Variants in PALS1 observed in about 807,000 individuals in gnomAD.
PALS1 encodes the protein protein associated with LIN7 1, MAGUK p55 family member, also known as protein PALS1.
In PALS1, 31 loss-of-function variants were observed where a neutral mutation model predicts 78.9. The ratio of observed to expected loss-of-function variants is 0.39; its 90% CI spans 0.30 to 0.53. The LOEUF (loss-of-function observed/expected upper bound fraction) is 0.53. Ranked by LOEUF, PALS1 falls within the 20% of genes least tolerant of loss-of-function variation. PALS1 has a pLI of 0.67. For synonymous variants in PALS1, 276 were observed against 270.9 expected, an observed-to-expected ratio of 1.02 and a Z score of -0.18; for missense variants, 704 against 826.5, an observed-to-expected ratio of 0.85 and a Z score of 1.82.
chr14:67,265,273 A>G (rs1484484182), intron 1 of PALS1, among the ~76,000 whole-genome samples: 2 of 152,212 alleles, frequency 1.3e-5, no homozygotes, highest in African/African-American at 4.8e-5. Context: ...CAGTAAACCC[A>G]GAGCCTGGGC....
chr14:67,278,005 A>G (rs1315207560), intron 2 of PALS1, among the ~76,000 whole-genome samples: 2 of 150,606 alleles, frequency 1.3e-5, no homozygotes, highest in Non-Finnish European at 3.0e-5. Context: ...CTCTAAATGA[A>G]TCCTTGTAAT....
chr14:67,296,959 A>G (rs1394622545), intron 4 of PALS1, among the ~76,000 whole-genome samples: 1 of 152,172 alleles, frequency 6.6e-6, no homozygotes, highest in African/African-American at 2.4e-5. Flanking sequence ...CTGGCCTCCT[A>G]TGATGATTTT....
chr14:67,320,434 C>A, intron 12 of PALS1, 37 bp downstream of exon 12: 1 of 1,534,472 alleles, frequency 6.5e-7, no homozygotes, highest in Admixed American at 2.0e-5. Context: ...CTGTGCTTTT[C>A]AATTTACCAG....
chr14:67,275,569 G>T (rs2084490037), intron 2 of PALS1, among the ~76,000 whole-genome samples: 1 of 152,150 alleles, frequency 6.6e-6, no homozygotes, highest in African/African-American at 2.4e-5. Flanking sequence ...AGGGCTTTTG[G>T]TCTAAAATTC....
chr14:67,245,126 T>A (rs1385473802), intron 1 of PALS1, among the ~76,000 whole-genome samples: 1 of 152,232 alleles, frequency 6.6e-6, no homozygotes, highest in Admixed American at 6.5e-5. Flanking sequence ...GGGAGACATA[T>A]GCCAGATTTC....
intron 5 of PALS1, among the ~76,000 whole-genome samples, 191 bp downstream of exon 5, chr14:67,301,657 T>C (rs565677410): frequency 3.9e-4 from 60 of 152,322 alleles, no homozygotes; most frequent in African/African-American, 1.4e-3. Context: ...AAATTATTTT[T>C]GAAACAACTT....
At chr14:67,247,903 A>C (rs892024407) in intron 1 of PALS1, among the ~76,000 whole-genome samples, 2 of 152,186 alleles carry the variant, frequency 1.3e-5, no homozygotes, top group East Asian at 3.8e-4. Context: ...TTAAAGGAAA[A>C]GTATTCAGTC....
intron 1 of PALS1, among the ~76,000 whole-genome samples, chr14:67,261,197 CTG>C (rs2084231142): frequency 6.6e-6 from 1 of 152,126 alleles, no homozygotes; most frequent in Admixed American, 6.6e-5. Flanking sequence ...AAAAGGGACA[CTG>C]TTGTGGTGGT....
chr14:67,275,922 T>A (rs1185325675), intron 2 of PALS1, among the ~76,000 whole-genome samples: 2 of 152,226 alleles, frequency 1.3e-5, no homozygotes, highest in African/African-American at 4.8e-5. Flanking sequence ...GTGTTTACAG[T>A]GTTCTCTGAT....
intron 1 of PALS1, among the ~76,000 whole-genome samples, chr14:67,266,414 C>T (rs1304727819): frequency 6.6e-6 from 1 of 152,136 alleles, no homozygotes; most frequent in Non-Finnish European, 1.5e-5. Flanking sequence ...CAGCCTCTGC[C>T]TCCTGGGTTC....
intron 1 of PALS1, among the ~76,000 whole-genome samples, chr14:67,253,838 C>CAAAATAAA (rs2084100816): frequency 7.5e-6 from 1 of 133,108 alleles, no homozygotes. Flanking sequence ...GACCCTGTCT[C>CAAAATAAA]AAAAAGAAAA....
chr14:67,311,043 G>A (rs1207103228), intron 8 of PALS1, among the ~76,000 whole-genome samples: 1 of 152,138 alleles, frequency 6.6e-6, no homozygotes, highest in Admixed American at 6.5e-5. Flanking sequence ...CAGGCGTGGT[G>A]GCTCGTGTCT....
At chr14:67,247,420 A>AT (rs1350222731) in intron 1 of PALS1, among the ~76,000 whole-genome samples, 2 of 151,580 alleles carry the variant, frequency 1.3e-5, no homozygotes, top group South Asian at 2.1e-4. Flanking sequence ...TATTTTAGTA[A>AT]TTTTTTTTGG....
chr14:67,327,680 C>T (rs972547159), intron 14 of PALS1, among the ~76,000 whole-genome samples: 1 of 152,012 alleles, frequency 6.6e-6, no homozygotes, highest in African/African-American at 2.4e-5. Context: ...TGATGTTCCC[C>T]ACCCTGTGTC....
chr14:67,272,998 C>A (rs952950326), intron 2 of PALS1, among the ~76,000 whole-genome samples: 10 of 152,102 alleles, frequency 6.6e-5, no homozygotes, highest in Non-Finnish European at 1.3e-4. Flanking sequence ...TTCTTGAAAA[C>A]AACTTCTTCA....
intron 3 of PALS1, among the ~76,000 whole-genome samples, chr14:67,280,313 C>CTT (rs1272664502): frequency 6.6e-6 from 1 of 152,164 alleles, no homozygotes; most frequent in Non-Finnish European, 1.5e-5. Flanking sequence ...GCTCACTGAA[C>CTT]TAGTGTTAGG....
intron 8 of PALS1, among the ~76,000 whole-genome samples, chr14:67,309,940 T>C (rs1456232851): frequency 2.0e-5 from 3 of 152,062 alleles, no homozygotes; most frequent in Non-Finnish European, 2.9e-5. Flanking sequence ...TCTGGTAAAA[T>C]TGATCTCTCC....
chr14:67,308,552 T>C (rs987345046), intron 8 of PALS1, among the ~76,000 whole-genome samples: 5 of 147,290 alleles, frequency 3.4e-5, no homozygotes, highest in African/African-American at 7.5e-5. Flanking sequence ...TTTTCTTTTT[T>C]TTTTTTTTTT....
chr14:67,289,973 C>T (rs1348851015), intron 3 of PALS1, among the ~76,000 whole-genome samples: 4 of 151,924 alleles, frequency 2.6e-5, no homozygotes, highest in Admixed American at 1.3e-4. Context: ...GGGGTTTCAC[C>T]GTGTTCGCCA....
Sources: gnomAD v4.1 joint callset for allele counts (sites outside exome capture counted in the v4.1 genomes callset) on GRCh38, gnomAD v4.1.1 for gene constraint, MANE v1.5 for transcripts, NCBI Gene and HGNC (gene_info 2026-07-23, HGNC 2026-07-21) for gene names.